Variants in ZFPM2 observed in about 807,000 individuals in gnomAD.
The protein encoded by ZFPM2 is zinc finger protein, FOG family member 2.
Under a neutral mutation model 98.6 loss-of-function variants are expected in ZFPM2, and 20 were observed. The observed-to-expected ratio is 0.20, with a 90% CI of 0.14 to 0.29. ZFPM2 has a LOEUF of 0.29. ZFPM2 is among the 10% of genes least tolerant of loss of function. ZFPM2 has a pLI of 1.00. For synonymous variants in ZFPM2, 518 were observed against 502.7 expected, an observed-to-expected ratio of 1.03 and a Z score of -0.41; for missense variants, 1,310 against 1,388.6, an observed-to-expected ratio of 0.94 and a Z score of 0.90.
Position 105,330,617 on chromosome 8 carries a change from T to TATATACAC in ZFPM2, c.40+11641_40+11642insCACATATA, listed in dbSNP as rs1554595025. Among the ~76,000 whole-genome samples the TATATACAC allele has an allele frequency of 6.3e-3, 368 of 58,816 alleles. 5 individuals are homozygous for TATATACAC. Among genetic ancestry groups the TATATACAC allele is most frequent in the African/African-American group, 0.021 (203 of 9,876 alleles). 38.6% of individuals were successfully genotyped at this position (58,816 alleles called of 152,430 possible). A position where few individuals can be genotyped will look rare whatever the true frequency, so the allele number is the denominator to read the frequency against. On this transcript the variant is annotated intron_variant, in intron 1 of 7. Transcript: ENST00000407775. Reference sequence around the variant, plus strand: ...ATACATATATATATATATACACATATATATATATATATATACATATATATA... The same window carrying TATATACAC: ...ATACATATATATATATATACACATATATATACACATATATATATATATACATATATATA...
rs140240961 is a variant in ZFPM2, at chr8:105,677,611, C to A, written c.532+43254C>A. On this transcript the variant is annotated intron_variant, in intron 5 of 7. Coordinates refer to ENST00000407775, the MANE Select transcript of ZFPM2 (RefSeq NM_012082.4). ...TAAGTAGCTATCTATCTCAGAGGTA[C>A]CTTGAATGTGAACAGAGCCATGAAT... Among the ~76,000 whole-genome samples, 572 of 150,916 alleles carry A rather than the reference C, an allele frequency of 3.8e-3. 2 individuals carry two copies. Among genetic ancestry groups the A allele is most frequent in the African/African-American group, 0.013 (534 of 41,084 alleles).
intron 2 of ZFPM2, among the ~76,000 whole-genome samples, chr8:105,439,540 G>A (rs1056260928): frequency 1.3e-5 from 2 of 152,148 alleles, no homozygotes; most frequent in African/African-American, 4.8e-5. Context: ...TGTGATGTGT[G>A]GGAAGCACTT....
At chr8:105,623,640 A>G (rs1293298272) in intron 4 of ZFPM2, among the ~76,000 whole-genome samples, 1 of 152,188 alleles carries the variant, frequency 6.6e-6, no homozygotes, top group African/African-American at 2.4e-5. Flanking sequence ...AGATGGACAC[A>G]TCTTAGCGTC....
chr8:105,490,356 C>T (rs1813334074), intron 3 of ZFPM2, among the ~76,000 whole-genome samples: 1 of 152,124 alleles, frequency 6.6e-6, no homozygotes, highest in African/African-American at 2.4e-5. Flanking sequence ...TTATAAACTA[C>T]TTTCTGGTAA....
intron 3 of ZFPM2, among the ~76,000 whole-genome samples, chr8:105,512,882 A>ATGTG (rs141926738): frequency 6.6e-6 from 1 of 151,356 alleles, no homozygotes; most frequent in African/African-American, 2.4e-5. Flanking sequence ...ATGTATGTAT[A>ATGTG]TGTGTGTGTG....
intron 4 of ZFPM2, among the ~76,000 whole-genome samples, chr8:105,633,486 T>G (rs1816789613): frequency 6.6e-6 from 1 of 152,200 alleles, no homozygotes; most frequent in Non-Finnish European, 1.5e-5. Flanking sequence ...GATAAATAAT[T>G]TGGATGCCAA....
At position 105,801,956 on chromosome 8, in the gene ZFPM2, G is replaced by C; in HGVS notation, c.1874G>C (p.Cys625Ser). Residue 625 changes from cysteine (C) to serine (S), a missense_variant, in exon 8 of 8, where the codon TGC (cysteine) becomes TCC (serine). Transcript: ENST00000407775. The stretch of plus-strand genomic sequence containing the variant: ...GAGAATCCACTTCTTCAAACATCTT[G>C]CATCAATTCTTCCACTGTCTTAGAT... ...DPENPLLQTS[C>S]INSSTVLDLI... 6.2e-7 allele frequency: 1 copy of C among 1,613,792 alleles called. No individual in the cohort carries two copies. The highest frequency in any genetic ancestry group is 8.5e-7 in the Non-Finnish European group (1 of 1,179,854).
At chr8:105,431,649 C>T (rs1450141082) in intron 2 of ZFPM2, among the ~76,000 whole-genome samples, 2 of 152,076 alleles carry the variant, frequency 1.3e-5, no homozygotes, top group Non-Finnish European at 2.9e-5. Flanking sequence ...CATGGTGGCT[C>T]ACACCTGTAA....
At position 105,349,996 on chromosome 8, in the gene ZFPM2, A is replaced by G. The variant is rs373082119; in HGVS notation, c.40+31015A>G. 7.2e-5 allele frequency among the ~76,000 whole-genome samples: 11 copies of G among 152,280 alleles called. No individual in the cohort carries two copies. The South Asian group carries it at 1.5e-3, about 20-fold the overall frequency. On this transcript the variant is annotated intron_variant, in intron 1 of 7. Transcript: ENST00000407775. ...AATTTTTGTAACTAACACTGAAATG[A>G]CTCAATTAGTGCAATAGTTTTTTTA...
chr8:105,443,337 A>AAAAAAC (rs1812304911), intron 2 of ZFPM2, among the ~76,000 whole-genome samples: 1 of 151,304 alleles, frequency 6.6e-6, no homozygotes. Flanking sequence ...AAAAAAAAAA[A>AAAAAAC]AACTTGGCAT....
intron 5 of ZFPM2, among the ~76,000 whole-genome samples, chr8:105,688,934 C>T (rs1012874927): frequency 2.0e-5 from 3 of 152,148 alleles, no homozygotes; most frequent in Admixed American, 6.5e-5. Flanking sequence ...ATAAATTACT[C>T]ATTAGTGTTC....
intron 5 of ZFPM2, among the ~76,000 whole-genome samples, chr8:105,688,671 T>C (rs982920473): frequency 6.6e-6 from 1 of 152,106 alleles, no homozygotes; most frequent in Non-Finnish European, 1.5e-5. Flanking sequence ...AAGGAAGATA[T>C]TATATAGTCT....
At chr8:105,543,616 G>A (rs1814627645) in intron 3 of ZFPM2, among the ~76,000 whole-genome samples, 1 of 152,038 alleles carries the variant, frequency 6.6e-6, no homozygotes, top group South Asian at 2.1e-4. Context: ...TTAGTCTTCT[G>A]ATTTTTAAGT....
chr8:105,518,950 G>C (rs1813993973), intron 3 of ZFPM2, among the ~76,000 whole-genome samples: 1 of 152,148 alleles, frequency 6.6e-6, no homozygotes, highest in Non-Finnish European at 1.5e-5. Flanking sequence ...ATATGTGTTA[G>C]TTAAGGGGAA....
chr8:105,736,947 A>G (rs1383811843), intron 5 of ZFPM2, among the ~76,000 whole-genome samples: 1 of 152,046 alleles, frequency 6.6e-6, no homozygotes, highest in Non-Finnish European at 1.5e-5. Flanking sequence ...TCATCGACTC[A>G]TTAATAGTTC....
chr8:105,489,463 TA>T (rs1437073920), intron 3 of ZFPM2, among the ~76,000 whole-genome samples: 128 of 67,736 alleles, frequency 1.9e-3, no homozygotes, highest in Middle Eastern at 8.9e-3. Context: ...TATATATATA[TA>T]TATTTTTTTT....
intron 4 of ZFPM2, among the ~76,000 whole-genome samples, chr8:105,622,499 A>G (rs1446968804): frequency 6.6e-6 from 1 of 152,188 alleles, no homozygotes; most frequent in African/African-American, 2.4e-5. Context: ...AGCATCCCAT[A>G]GAAAACTAGC....
At chr8:105,789,972 A>T (rs1813550902) in intron 6 of ZFPM2, among the ~76,000 whole-genome samples, 1 of 151,718 alleles carries the variant, frequency 6.6e-6, no homozygotes, top group South Asian at 2.1e-4. Context: ...TTCATTGTAG[A>T]TTCTGGATAT....
At chr8:105,527,233 C>G (rs1487670627) in intron 3 of ZFPM2, among the ~76,000 whole-genome samples, 2 of 152,118 alleles carry the variant, frequency 1.3e-5, no homozygotes, top group Non-Finnish European at 2.9e-5. Flanking sequence ...AGTATATTCT[C>G]CACGTTCAAT....
Sources: allele counts gnomAD v4.1 joint callset (sites outside exome capture counted in the v4.1 genomes callset), GRCh38; gene constraint gnomAD v4.1.1; transcripts MANE v1.5; gene names NCBI Gene and HGNC (gene_info 2026-07-23, HGNC 2026-07-21).